Variants in CACNA1B observed in about 807,000 individuals in gnomAD.
CACNA1B encodes the protein voltage-dependent N-type calcium channel subunit alpha-1B.
In CACNA1B, 70 loss-of-function variants were observed where a neutral mutation model predicts 247.2. The ratio of observed to expected loss-of-function variants is 0.28; its 90% confidence interval spans 0.23 to 0.35. CACNA1B has a LOEUF of 0.35. Among genes scored for constraint, CACNA1B ranks in the 10% least tolerant of loss-of-function variants. The pLI is 1.00. For missense variants in CACNA1B, 2,367 were observed against 3,197.4 expected (o/e 0.74, Z 6.26); for synonymous variants, 1,231 against 1,294.4 (o/e 0.95, Z 1.05).
At chr9:138,103,037 C>A (rs1230603948) in intron 38 of CACNA1B, among the ~76,000 whole-genome samples, 2 of 152,124 alleles carry the variant, frequency 1.3e-5, no homozygotes, top group Non-Finnish European at 2.9e-5. Context: ...CTTGTCCCCA[C>A]AACCTGAGCT....
chr9:138,056,823 CTT>C (rs961130048), intron 26 of CACNA1B, among the ~76,000 whole-genome samples: 5 of 151,982 alleles, frequency 3.3e-5, no homozygotes, highest in African/African-American at 7.3e-5. Context: ...TTTTATTTGC[CTT>C]TCCCTGATGA....
chr9:137,937,065 C>A (rs1024934422), intron 6 of CACNA1B, among the ~76,000 whole-genome samples: 9 of 152,106 alleles, frequency 5.9e-5, no homozygotes, highest in Admixed American at 3.3e-4. Context: ...TATAAATTAC[C>A]TTGGGCAGTA....
chr9:137,967,253 T>G (rs920202339), intron 10 of CACNA1B, among the ~76,000 whole-genome samples: 4 of 152,194 alleles, frequency 2.6e-5, no homozygotes, highest in African/African-American at 9.7e-5. Context: ...ATGTACTAGT[T>G]CCATCACTCA....
At chr9:137,931,744 C>G (rs1474368274) in intron 6 of CACNA1B, among the ~76,000 whole-genome samples, 4 of 152,098 alleles carry the variant, frequency 2.6e-5, no homozygotes, top group Admixed American at 1.3e-4. Context: ...GTGTCTTTAC[C>G]TGGAACTGGC....
At chr9:137,925,115 G>C (rs976684090) in intron 6 of CACNA1B, among the ~76,000 whole-genome samples, 5 of 152,212 alleles carry the variant, frequency 3.3e-5, no homozygotes, top group African/African-American at 1.2e-4. Context: ...GGGTAGCCCT[G>C]GTTCTTCAGA....
chr9:137,989,512 AC>A (rs753861743), intron 15 of CACNA1B, among the ~76,000 whole-genome samples: 2 of 152,198 alleles, frequency 1.3e-5, no homozygotes, highest in Non-Finnish European at 2.9e-5. Flanking sequence ...ATAATTCCAG[AC>A]CTAGACAAAT....
chr9:138,014,526 C>T lies in CACNA1B; in HGVS notation c.2267+1291C>T, dbSNP rs1459179466. 6.6e-6 allele frequency among the ~76,000 whole-genome samples: 1 copy of T among 152,088 alleles called. No individual in the cohort carries two copies. The highest frequency in any genetic ancestry group is 1.5e-5 in the Non-Finnish European group (1 of 68,020). ...GGCTCAGTCCTCAGTTGTTTAATTT[C>T]GATCTTTCATTGTCTTGGCCAATTC... is the stretch of plus-strand genomic sequence containing the variant. On this transcript the variant is annotated intron_variant, in intron 18 of 46. Coordinates refer to ENST00000371372, the MANE Select transcript of CACNA1B (RefSeq NM_000718.4). The surrounding 1 kb of genome is among the most constrained non-coding windows in gnomAD (Gnocchi z 6.2).
At position 138,050,523 on chromosome 9, in the gene CACNA1B, T is replaced by C. The variant is rs1267523730; in HGVS notation, c.3710+1208T>C. Among the ~76,000 whole-genome samples the C allele has an allele frequency of 1.3e-5, 2 of 152,100 alleles. No homozygotes were observed. Among genetic ancestry groups the C allele is most frequent in the Non-Finnish European group, 2.9e-5 (2 of 67,986 alleles). On this transcript the variant is annotated intron_variant, in intron 24 of 46. Transcript: ENST00000371372. This position sits in a 1 kb window ranked among gnomAD's most constrained non-coding sequence, Gnocchi z 5.2. ...CCAGCCCCCTGCAGTTCCCACTATT[T>C]CCTCTTTCTGTGATAAAGGAATGAG...
In CACNA1B at chr9:138,049,332, C is replaced by T; in HGVS notation, c.3710+17C>T. 6.8e-7 allele frequency: 1 copy of T among 1,475,198 alleles called. No individual in the cohort carries two copies. Among genetic ancestry groups the T allele is most frequent in the East Asian group, 2.3e-5 (1 of 44,224 alleles). 91.4% of individuals were successfully genotyped at this position (1,475,198 alleles called of 1,614,324 possible). A position where few individuals can be genotyped will look rare whatever the true frequency, so the allele number is the denominator to read the frequency against. ...TGCTTTCTCGTAAGTAACGTTCGCTCTGCTCTGGCTAGGGAGAGCCCCCAG... is the reference window on the plus strand; with the variant it reads ...TGCTTTCTCGTAAGTAACGTTCGCTTTGCTCTGGCTAGGGAGAGCCCCCAG... On this transcript the variant is annotated intron_variant, in intron 24 of 46. Transcript: ENST00000371372.
In CACNA1B at chr9:138,059,156, A is replaced by G. The variant is rs763962485; in HGVS notation, c.4551A>G (p.Glu1517=). ...TGTTCACATCCATGTTCTCCATGGA[A>G]TGCGTGCTGAAGATCATCGCCTTTG... ...NIVFTSMFSM[E]CVLKIIAFGV... is the part of the protein sequence containing the mutation. Residue 1517 remains glutamate, a synonymous_variant, in exon 30 of 47, where the codon GAA becomes GAG. Coordinates refer to ENST00000371372, the MANE Select transcript of CACNA1B (RefSeq NM_000718.4). The surrounding 1 kb of genome is among the most constrained non-coding windows in gnomAD (Gnocchi z 4.2). 6.2e-7 allele frequency: 1 copy of G among 1,609,962 alleles called. No individual in the cohort carries two copies. Among genetic ancestry groups the G allele is most frequent in the East Asian group, 2.2e-5 (1 of 44,848 alleles).
intron 3 of CACNA1B, among the ~76,000 whole-genome samples, chr9:137,883,472 C>T (rs1411297665): frequency 2.0e-5 from 3 of 151,860 alleles, no homozygotes; most frequent in African/African-American, 7.3e-5. Context: ...CTTGTGATTG[C>T]CAAAGTAACC....
At chr9:138,101,048 G>A in intron 37 of CACNA1B, 1 of 478,470 alleles carries the variant, frequency 2.1e-6, no homozygotes, top group Admixed American at 2.3e-5. Flanking sequence ...GGGCGGGCGG[G>A]AGGGTCGGGC....
Position 137,899,326 on chromosome 9 carries a change from C to T in CACNA1B, c.531-13854C>T, listed in dbSNP as rs1363337720. On this transcript the variant is annotated intron_variant, in intron 3 of 46. Coordinates refer to ENST00000371372, the MANE Select transcript of CACNA1B (RefSeq NM_000718.4). The surrounding 1 kb of genome is among the most constrained non-coding windows in gnomAD (Gnocchi z 5.0). ...CAGGCTGGTCTCGAACTCCTGATCT[C>T]AGATGATCCACCTGTCTTGGCCTCC... 6.6e-6 allele frequency among the ~76,000 whole-genome samples: 1 copy of T among 152,122 alleles called. No homozygotes were observed. The highest frequency in any genetic ancestry group is 2.4e-5 in the African/African-American group (1 of 41,442).
chr9:137,983,894 TGGGGTGG>T (rs1958322473), intron 12 of CACNA1B, among the ~76,000 whole-genome samples: 1 of 82,952 alleles, frequency 1.2e-5, no homozygotes, highest in South Asian at 4.9e-4. Flanking sequence ...CTGGTGTGTC[TGGGGTGG>T]GGGGTGGGAG....
chr9:138,122,368 A>C lies in CACNA1B; in HGVS notation c.*369A>C. 3.7e-6 allele frequency: 1 copy of C among 266,908 alleles called. No homozygotes were observed. The highest frequency in any genetic ancestry group is 7.1e-6 in the Non-Finnish European group (1 of 140,164). The allele number at this position is 266,908 out of a possible 1,614,324, so 16.5% of individuals were successfully genotyped here. ...GTGAGGAGCTCTGCGTCCTGTGGGG[A>C]GCACCCTTCACGTGGCCGTGCGGCA... On this transcript the variant is annotated 3_prime_UTR_variant, in exon 47 of 47. Transcript: ENST00000371372.
intron 38 of CACNA1B, among the ~76,000 whole-genome samples, chr9:138,105,453 T>G (rs1302640295): frequency 6.6e-6 from 1 of 152,170 alleles, no homozygotes; most frequent in Admixed American, 6.5e-5. Context: ...GGCTCCAGTC[T>G]TTACCTGGAG....
At position 137,971,616 on chromosome 9, in the gene CACNA1B, A is replaced by G. The variant is rs946950835; in HGVS notation, c.1543+24A>G. 2.5e-6 allele frequency: 4 copies of G among 1,592,782 alleles called. No individual in the cohort carries two copies. Among genetic ancestry groups the G allele is most frequent in the Non-Finnish European group, 3.4e-6 (4 of 1,164,472 alleles). On this transcript the variant is annotated intron_variant, in intron 11 of 46. Coordinates refer to ENST00000371372, the MANE Select transcript of CACNA1B (RefSeq NM_000718.4). The surrounding 1 kb of genome is among the most constrained non-coding windows in gnomAD (Gnocchi z 4.4). ...GTGTACGTATCCCCGTCCCTCCCTCAGGTGCTTCCTGAGCATCTCTGCTCT... is the reference window on the plus strand; with the variant it reads ...GTGTACGTATCCCCGTCCCTCCCTCGGGTGCTTCCTGAGCATCTCTGCTCT...
chr9:137,985,747 C>G (rs1279916682), intron 13 of CACNA1B, among the ~76,000 whole-genome samples: 1 of 152,210 alleles, frequency 6.6e-6, no homozygotes, highest in Admixed American at 6.5e-5. Context: ...GGACCGGCCC[C>G]TCAGTTGCCA....
At chr9:137,940,672 A>G (rs1957723442) in intron 6 of CACNA1B, among the ~76,000 whole-genome samples, 1 of 152,214 alleles carries the variant, frequency 6.6e-6, no homozygotes, top group African/African-American at 2.4e-5. Context: ...TCCTCAACAA[A>G]ATACTAGCTA....
Sources: gnomAD v4.1 joint callset for allele counts (sites outside exome capture counted in the v4.1 genomes callset) on GRCh38, gnomAD v4.1.1 for gene constraint, Gnocchi (gnomAD v3.1) non-coding constraint, MANE v1.5 for transcripts, NCBI Gene and HGNC (gene_info 2026-07-23, HGNC 2026-07-21) for gene names.